GNG7: variants seen among roughly 807,000 people sequenced by gnomAD.
GNG7 encodes guanine nucleotide-binding protein G(I)/G(S)/G(O) subunit gamma-7.
GNG7 carries 1 observed loss-of-function variant against 4.0 expected under a neutral mutation model. That is an observed-to-expected ratio of 0.25 (90% CI 0.09 to 1.18). The LOEUF (loss-of-function observed/expected upper bound fraction) is 1.18. GNG7 is among the 50% of genes most tolerant of loss of function. The probability of loss-of-function intolerance (pLI) is 0.50; values close to 1 mark genes in which losing one functional copy is unlikely to be tolerated. For synonymous variants in GNG7, 34 were observed against 36.9 expected, an observed-to-expected ratio of 0.92 and a Z score of 0.29; for missense variants, 86 against 91.9, an observed-to-expected ratio of 0.94 and a Z score of 0.26.
At chr19:2,665,102 C>A (rs1163963976) in intron 1 of GNG7, among the ~76,000 whole-genome samples, 3 of 150,862 alleles carry the variant, frequency 2.0e-5, no homozygotes, top group Middle Eastern at 3.6e-3. Context: ...GAGCTGGGGT[C>A]CCCTGGTTTA....
intron 1 of GNG7, among the ~76,000 whole-genome samples, chr19:2,666,550 G>A (rs990482087): frequency 1.2e-4 from 19 of 152,204 alleles, no homozygotes; most frequent in South Asian, 4.1e-4. Flanking sequence ...GGGCTCAAGC[G>A]ATCCTCCCTG....
At chr19:2,604,252 T>C (rs1279920833) in intron 2 of GNG7, among the ~76,000 whole-genome samples, 1 of 151,816 alleles carries the variant, frequency 6.6e-6, no homozygotes, top group Non-Finnish European at 1.5e-5. Context: ...GGAGGATCGC[T>C]TGAGGCCAGG....
intron 2 of GNG7, among the ~76,000 whole-genome samples, chr19:2,575,365 G>A (rs1184518083): frequency 6.6e-6 from 1 of 152,216 alleles, no homozygotes; most frequent in Non-Finnish European, 1.5e-5. Context: ...GTGAGCCACA[G>A]TGCCCTGCTC....
chr19:2,663,737 T>A (rs1054185402), intron 1 of GNG7, among the ~76,000 whole-genome samples: 2 of 152,214 alleles, frequency 1.3e-5, no homozygotes, highest in Admixed American at 1.3e-4. Flanking sequence ...CATTTTGGCA[T>A]TTTGCAAATT....
At chr19:2,678,044 G>T (rs1983638088) in intron 1 of GNG7, among the ~76,000 whole-genome samples, 1 of 152,144 alleles carries the variant, frequency 6.6e-6, no homozygotes, top group South Asian at 2.1e-4. Context: ...TTCTAACCCT[G>T]CCACCTGTGC....
chr19:2,586,819 T>C (rs1980687976), intron 2 of GNG7, among the ~76,000 whole-genome samples: 2 of 151,628 alleles, frequency 1.3e-5, no homozygotes, highest in Non-Finnish European at 2.9e-5. Flanking sequence ...ACCCTGTCTC[T>C]ACTAAAAATA....
chr19:2,532,437 C>T (rs369299765), intron 3 of GNG7, among the ~76,000 whole-genome samples: 3 of 152,090 alleles, frequency 2.0e-5, no homozygotes, highest in African/African-American at 7.2e-5. Flanking sequence ...TGAAGCAAGA[C>T]GACACAAAGG....
At chr19:2,679,164 C>T (rs1386210682) in intron 1 of GNG7, among the ~76,000 whole-genome samples, 1 of 152,122 alleles carries the variant, frequency 6.6e-6, no homozygotes, top group Non-Finnish European at 1.5e-5. Flanking sequence ...ATCCTCCTGC[C>T]TCAGCCTCCC....
At chr19:2,698,242 G>A (rs1210077285) in intron 1 of GNG7, among the ~76,000 whole-genome samples, 1 of 147,918 alleles carries the variant, frequency 6.8e-6, no homozygotes, top group Non-Finnish European at 1.5e-5. Flanking sequence ...ACTCCAGCCC[G>A]GGCAACGGAA....
chr19:2,624,652 C>CGTCT (rs1190013714), intron 2 of GNG7, among the ~76,000 whole-genome samples: 2 of 152,190 alleles, frequency 1.3e-5, no homozygotes, highest in African/African-American at 2.4e-5. Context: ...GCAGGCCTCT[C>CGTCT]GTCTCCGGAG....
intron 2 of GNG7, among the ~76,000 whole-genome samples, chr19:2,641,468 CAG>C (rs368581650): frequency 0.029 from 3,100 of 106,602 alleles, 99 homozygotes; most frequent in African/African-American, 0.096. Context: ...GAGAGTCAAA[CAG>C]AGACTGGAAG....
chr19:2,605,756 C>T (rs1454972054), intron 2 of GNG7, among the ~76,000 whole-genome samples: 3 of 151,984 alleles, frequency 2.0e-5, no homozygotes, highest in Admixed American at 6.6e-5. Context: ...TCGTGATCTG[C>T]CCGCCTTGGC....
rs1281948833 is a variant in GNG7, at chr19:2,538,638, A to C, written c.-38+16511T>G. On this transcript the variant is annotated intron_variant, in intron 3 of 4. Transcript: ENST00000382159. ...AGAGCAAGACCCTGTCTTTAAAAAA[A>C]CACAATAGAAAGGCATGCATATATT... The C allele has an allele frequency of 1.4e-5, 6 of 440,242 alleles. No homozygotes were observed. In the East Asian group the frequency reaches 4.3e-4, roughly 32 times the overall value. 27.3% of individuals were successfully genotyped at this position (440,242 alleles called of 1,614,324 possible).
At chr19:2,651,674 T>C (rs976417628) in intron 1 of GNG7, among the ~76,000 whole-genome samples, 18 of 150,164 alleles carry the variant, frequency 1.2e-4, no homozygotes, top group African/African-American at 4.2e-4. Flanking sequence ...TAAGAGATTC[T>C]CCTGCCTCAA....
rs551242148 is a variant in GNG7 at position 2,557,155 on chromosome 19, C to G, written c.-77-1967G>C. Among the ~76,000 whole-genome samples the G allele has an allele frequency of 1.7e-4, 26 of 151,932 alleles. No homozygotes were observed. The South Asian group carries it at 5.4e-3, about 32-fold the overall frequency. ...TACTGCACACTCACGCACATGCACA[C>G]AAAGACACGCGCACACACGTACACA... On this transcript the variant is annotated intron_variant, in intron 2 of 4. Coordinates refer to ENST00000382159, the MANE Select transcript of GNG7 (RefSeq NM_052847.3). This position sits in a 1 kb window ranked among gnomAD's most constrained non-coding sequence, Gnocchi z 5.1.
At chr19:2,580,134 G>A (rs1939706785) in intron 2 of GNG7, among the ~76,000 whole-genome samples, 1 of 152,086 alleles carries the variant, frequency 6.6e-6, no homozygotes, top group South Asian at 2.1e-4. Context: ...AGGGGTCAGG[G>A]CCCATACACG....
intron 1 of GNG7, among the ~76,000 whole-genome samples, chr19:2,660,030 C>T (rs1023253673): frequency 1.2e-4 from 18 of 152,052 alleles, no homozygotes; most frequent in African/African-American, 3.6e-4. Context: ...CCAGAGCCAT[C>T]CTCCTCACCG....
At chr19:2,675,126 C>T (rs1254487374) in intron 1 of GNG7, among the ~76,000 whole-genome samples, 1 of 152,132 alleles carries the variant, frequency 6.6e-6, no homozygotes, top group African/African-American at 2.4e-5. Context: ...CAAACAAATC[C>T]GCAACGGCGC....
chr19:2,514,940 G>T lies in GNG7; in HGVS notation c.*82C>A. ...GTTTTGTTTGAGCTAATTACTGAAT[G>T]ATGCCCTGCCTGAGACAGAGACAGA... On this transcript the variant is annotated 3_prime_UTR_variant, in exon 5 of 5. Transcript: ENST00000382159. The T allele has an allele frequency of 8.7e-7, 1 of 1,153,108 alleles. No individual in the cohort carries two copies. The highest frequency in any genetic ancestry group is 1.3e-6 in the Non-Finnish European group (1 of 779,738). 71.4% of individuals were successfully genotyped at this position (1,153,108 alleles called of 1,614,324 possible).
Sources: gnomAD v4.1 joint callset for allele counts (sites outside exome capture counted in the v4.1 genomes callset) on GRCh38, gnomAD v4.1.1 for gene constraint, Gnocchi (gnomAD v3.1) non-coding constraint, MANE v1.5 for transcripts, NCBI Gene and HGNC (gene_info 2026-07-23, HGNC 2026-07-21) for gene names.